The following LARP1B variants were observed in gnomAD, a reference collection of about 807,000 sequenced individuals.
LARP1B encodes la-related protein 1B.
A neutral mutation model predicts 114.2 loss-of-function variants in LARP1B; 76 were observed. The observed-to-expected ratio is 0.67, with a 90% CI of 0.55 to 0.81. The LOEUF (loss-of-function observed/expected upper bound fraction) is 0.81, where lower values mean the gene tolerates loss of function less well. Ranked by LOEUF, LARP1B falls within the 30% of genes least tolerant of loss-of-function variation. The pLI is 0.00. For synonymous variants in LARP1B, 345 were observed against 348.0 expected (o/e 0.99, Z 0.10); for missense variants, 1,014 against 1,075.8 (o/e 0.94, Z 0.80).
intron 7 of LARP1B, 121 bp downstream of exon 7, chr4:128,091,633 G>C: frequency 1.4e-6 from 1 of 701,684 alleles, no homozygotes; most frequent in Non-Finnish European, 2.2e-6. Flanking sequence ...GTCTCACTCT[G>C]TTGCCCAGGC....
intron 1 of LARP1B, among the ~76,000 whole-genome samples, chr4:128,073,523 CA>C (rs200125031): frequency 0.64 from 70,668 of 109,926 alleles, 22,360 homozygotes; most frequent in Middle Eastern, 0.82. Flanking sequence ...GACTCTGTCT[CA>C]AAAAAAAAAA....
intron 8 of LARP1B, among the ~76,000 whole-genome samples, chr4:128,099,290 CTT>C (rs368079786): frequency 1.7e-4 from 23 of 137,166 alleles, no homozygotes; most frequent in Admixed American, 2.2e-4. Flanking sequence ...TTTTTTCTTT[CTT>C]TTTTTTTTTT....
At chr4:128,214,107 C>T (rs574705335), downstream of LARP1B, among the ~76,000 whole-genome samples, 2,270 of 142,020 alleles carry the variant, frequency 0.016, 25 homozygotes, top group Non-Finnish European at 0.024. Context: ...GCTTAAAAAA[C>T]GGCGCACCAC....
At chr4:128,137,919 G>A (rs1225680738) in intron 11 of LARP1B, among the ~76,000 whole-genome samples, 3 of 151,978 alleles carry the variant, frequency 2.0e-5, no homozygotes, top group Admixed American at 2.0e-4. Flanking sequence ...CTCCTGAGTA[G>A]CTGGGACTAC....
intron 10 of LARP1B, among the ~76,000 whole-genome samples, chr4:128,121,368 A>G (rs1008940979): frequency 2.0e-5 from 3 of 152,170 alleles, no homozygotes; most frequent in African/African-American, 7.2e-5. Context: ...CCCAGGCTCT[A>G]GCGCAATGGC....
At chr4:128,136,846 A>G (rs921056182) in intron 11 of LARP1B, among the ~76,000 whole-genome samples, 10 of 152,110 alleles carry the variant, frequency 6.6e-5, no homozygotes, top group Admixed American at 2.0e-4. Flanking sequence ...AAGAGATTCT[A>G]TGGCCTTGCC....
chr4:128,085,575 C>G (rs1773140043), intron 5 of LARP1B, among the ~76,000 whole-genome samples: 1 of 152,064 alleles, frequency 6.6e-6, no homozygotes, highest in Non-Finnish European at 1.5e-5. Flanking sequence ...GCTTCGTTGC[C>G]CGGGCTGGTC....
intron 9 of LARP1B, among the ~76,000 whole-genome samples, chr4:128,109,661 AT>A (rs1219695560): frequency 4.6e-5 from 7 of 151,784 alleles, no homozygotes; most frequent in Non-Finnish European, 8.8e-5. Context: ...CTTTTTTTAA[AT>A]TTTAATAATC....
At chr4:128,108,067 A>G (rs1782712201) in intron 9 of LARP1B, 1 of 1,441,252 alleles carries the variant, frequency 6.9e-7, no homozygotes, top group African/African-American at 1.4e-5. Flanking sequence ...TTGGGCCAAC[A>G]CTGCAGTGGA....
chr4:128,199,764 T>G (rs1218107292), intron 16 of LARP1B, among the ~76,000 whole-genome samples, 165 bp downstream of exon 16: 1 of 152,248 alleles, frequency 6.6e-6, no homozygotes, highest in Non-Finnish European at 1.5e-5. Flanking sequence ...TCATGTACTT[T>G]ATAACTTAGA....
At chr4:128,169,497 A>G (rs918283735) in intron 12 of LARP1B, among the ~76,000 whole-genome samples, 2 of 152,006 alleles carry the variant, frequency 1.3e-5, no homozygotes, top group African/African-American at 4.8e-5. Flanking sequence ...TAAAATTTGG[A>G]TATCTTCCTG....
At chr4:128,171,331 A>G (rs1179785619) in intron 12 of LARP1B, among the ~76,000 whole-genome samples, 1 of 152,080 alleles carries the variant, frequency 6.6e-6, no homozygotes, top group Non-Finnish European at 1.5e-5. Flanking sequence ...GTCTCACTAC[A>G]TTGACCAGAT....
Position 128,084,523 on chromosome 4 carries a change from G to T in LARP1B, c.358+2218G>T, listed in dbSNP as rs557868976. 2.1e-3 allele frequency among the ~76,000 whole-genome samples: 319 copies of T among 152,228 alleles called. 1 individual carries two copies. Among genetic ancestry groups the T allele is most frequent in the Admixed American group, 5.2e-3 (80 of 15,292 alleles). On this transcript the variant is annotated intron_variant, in intron 5 of 19. Transcript: ENST00000326639. ...GCCTGCAATCGCAGGCACTCGGCAG[G>T]CTGAGGCAGGAGAATCAGGCAGGGA...
intron 12 of LARP1B, 62 bp downstream of exon 12, chr4:128,162,379 T>A: frequency 7.2e-7 from 1 of 1,392,846 alleles, no homozygotes; most frequent in Non-Finnish European, 9.7e-7. Context: ...GAATTGTTTT[T>A]AAAAATTGCT....
At chr4:128,061,013 G>A (rs1759939966), upstream of LARP1B, among the ~76,000 whole-genome samples, 1 of 152,002 alleles carries the variant, frequency 6.6e-6, no homozygotes, top group African/African-American at 2.4e-5. Flanking sequence ...GCGGGGGCAG[G>A]CCGCGAGCCA....
intron 11 of LARP1B, among the ~76,000 whole-genome samples, chr4:128,147,217 G>A (rs1730719702): frequency 6.6e-6 from 1 of 152,182 alleles, no homozygotes; most frequent in South Asian, 2.1e-4. Flanking sequence ...GCTTTGAGGT[G>A]TGAACTAGTT....
At chr4:128,149,923 C>A (rs1348344369) in intron 11 of LARP1B, among the ~76,000 whole-genome samples, 1 of 152,148 alleles carries the variant, frequency 6.6e-6, no homozygotes, top group African/African-American at 2.4e-5. Context: ...GAGGCAGAGG[C>A]AGGCGGATTA....
intron 9 of LARP1B, among the ~76,000 whole-genome samples, chr4:128,111,804 C>T (rs1288169217): frequency 6.6e-6 from 1 of 152,028 alleles, no homozygotes; most frequent in African/African-American, 2.4e-5. Flanking sequence ...GCCTCATCCT[C>T]CCAAGTAGCT....
intron 13 of LARP1B, among the ~76,000 whole-genome samples, chr4:128,177,963 C>T (rs1746927066): frequency 6.6e-6 from 1 of 150,730 alleles, no homozygotes; most frequent in South Asian, 2.1e-4. Flanking sequence ...ATTTGTACAC[C>T]ACATACTATT....
Sources: allele counts gnomAD v4.1 joint callset (sites outside exome capture counted in the v4.1 genomes callset), GRCh38; gene constraint gnomAD v4.1.1; transcripts MANE v1.5; gene names NCBI Gene and HGNC (gene_info 2026-07-23, HGNC 2026-07-21).